Variants in MYO15A observed in about 807,000 individuals in gnomAD.
MYO15A encodes unconventional myosin-XV.
MYO15A carries 308 observed loss-of-function variants against 394.6 expected under a neutral mutation model. The ratio of observed to expected loss-of-function variants is 0.78; its 90% CI spans 0.71 to 0.86. MYO15A has a LOEUF of 0.86. MYO15A is among the 40% of genes least tolerant of loss of function. MYO15A has a pLI of 0.00. For synonymous variants in MYO15A, 1,957 were observed against 2,003.8 expected, an observed-to-expected ratio of 0.98 and a Z score of 0.62; for missense variants, 4,606 against 4,799.1, an observed-to-expected ratio of 0.96 and a Z score of 1.19.
rs1473607398 is a variant in MYO15A, at chr17:18,148,840, T to A, written c.6844T>A (p.Tyr2282Asn). 1 of 1,607,388 alleles carries A rather than the reference T, an allele frequency of 6.2e-7. No individual in the cohort carries two copies. The highest frequency in any genetic ancestry group is 8.5e-7 in the Non-Finnish European group (1 of 1,176,938). Residue 2282 changes from tyrosine to asparagine, a missense_variant, in exon 33 of 66, where the codon TAC (tyrosine) becomes AAC (asparagine). By Grantham distance (143) the Tyr-to-Asn change is moderately radical. Transcript: ENST00000647165. This position sits in a 1 kb window ranked among gnomAD's most constrained non-coding sequence, Gnocchi z 4.8. ...GTGGGCAGAGCTGGCTGGCCACGACTACGTGTTAGACCTGGTGTCGGACCT... is the reference window on the plus strand; with the variant it reads ...GTGGGCAGAGCTGGCTGGCCACGACAACGTGTTAGACCTGGTGTCGGACCT... ...VQWAELAGHD[Y>N]VLDLVSDLEL...
At chr17:18,109,012 C>T (rs1321605972) in intron 1 of MYO15A, 188 bp downstream of exon 1, 2 of 152,434 alleles carry the variant, frequency 1.3e-5, no homozygotes, top group Admixed American at 1.3e-4. Flanking sequence ...CCCCTCCTGG[C>T]GATGGTGGGA....
chr17:18,158,671 G>T, intron 52 of MYO15A, 33 bp downstream of exon 52: 1 of 1,606,240 alleles, frequency 6.2e-7, no homozygotes, highest in Non-Finnish European at 8.5e-7. Flanking sequence ...TTCCCACAGT[G>T]GGAGGGTGCT....
In MYO15A at chr17:18,154,714, G is replaced by C; in HGVS notation, c.8183G>C (p.Arg2728Pro). 6.2e-7 allele frequency: 1 copy of C among 1,613,724 alleles called. No individual in the cohort carries two copies. Among genetic ancestry groups the C allele is most frequent in the South Asian group, 1.1e-5 (1 of 91,088 alleles). ...LHDTLSEACL[R>P]ISEDERLRMK... Reference sequence around the variant, plus strand: ...GACACGCTCTCCGAGGCCTGCCTTCGCATCTCTGAGGATGAGAGGCTCAGG... The same window carrying C: ...GACACGCTCTCCGAGGCCTGCCTTCCCATCTCTGAGGATGAGAGGCTCAGG... The change falls in exon 45 of 66, where the codon CGC becomes CCC. Residue 2728 changes from arginine (R) to proline (P), a missense_variant. Transcript: ENST00000647165.
chr17:18,117,282 C>T lies in MYO15A; in HGVS notation c.-219-1300C>T, dbSNP rs975740949. On this transcript the variant is annotated intron_variant, in intron 1 of 65. Transcript: ENST00000647165. This position sits in a 1 kb window ranked among gnomAD's most constrained non-coding sequence, Gnocchi z 4.1. ...AGAGAAAGTGAGCAGGGGGAAGAGGCAGACAGAGAGGGGGAGACCTCACTT... is the reference window on the plus strand; with the variant it reads ...AGAGAAAGTGAGCAGGGGGAAGAGGTAGACAGAGAGGGGGAGACCTCACTT... Among the ~76,000 whole-genome samples the T allele has an allele frequency of 1.5e-4, 23 of 152,130 alleles. 1 individual carries two copies. Among genetic ancestry groups the T allele is most frequent in the Non-Finnish European group, 2.1e-4 (14 of 68,032 alleles).
At position 18,120,010 on chromosome 17, in the gene MYO15A, G is replaced by A. The variant is rs780161591; in HGVS notation, c.1210G>A (p.Glu404Lys). Reference sequence around the variant, plus strand: ...CGAGGTGCCCTATTTTTACCCGGAGGAGTCGGCTTCGGCCTTTGTGTACCC... The same window carrying A: ...CGAGGTGCCCTATTTTTACCCGGAGAAGTCGGCTTCGGCCTTTGTGTACCC... ...PPEVPYFYPE[E>K]SASAFVYPWV... is the part of the protein sequence containing the mutation. Residue 404 changes from glutamate to lysine, a missense_variant, in exon 2 of 66, where the codon GAG becomes AAG. Coordinates refer to ENST00000647165, the MANE Select transcript of MYO15A (RefSeq NM_016239.4). 1.1e-5 allele frequency: 17 copies of A among 1,613,566 alleles called. No homozygotes were observed. Among genetic ancestry groups the A allele is most frequent in the Admixed American group, 1.0e-4 (6 of 60,008 alleles).
Position 18,119,521 on chromosome 17 carries a change from G to C in MYO15A, c.721G>C (p.Asp241His), listed in dbSNP as rs547705644. 1.9e-6 allele frequency: 3 copies of C among 1,610,664 alleles called. No individual in the cohort carries two copies. The highest frequency in any genetic ancestry group is 2.5e-6 in the Non-Finnish European group (3 of 1,179,962). The change falls in exon 2 of 66, where the codon GAC (aspartate) becomes CAC (histidine). Residue 241 changes from aspartate to histidine, a missense_variant. This residue lies in a region of MYO15A where 1,830 missense variants were observed against 1,689.7 expected (regional missense o/e 1.08). Transcript: ENST00000647165. ...GGGCGAGTATTATGACTATCACCGC[G>C]ACGGCGACGACTACTACGACCGGCA... ...DLGEYYDYHRDGDDYYDRQSL... is the reference protein window; with the variant it reads ...DLGEYYDYHRHGDDYYDRQSL...
Position 18,132,717 on chromosome 17 carries a change from C to A in MYO15A, c.4320+151C>A. ...AGTTTGGATTTAAGACATCTCATGG[C>A]AGTGAGGGGGACCAGGAGTCTTCTG... On this transcript the variant is annotated intron_variant, in intron 11 of 65. Transcript: ENST00000647165. The surrounding 1 kb of genome is among the most constrained non-coding windows in gnomAD (Gnocchi z 4.6). The A allele has an allele frequency of 1.4e-6, 1 of 696,218 alleles. No homozygotes were observed. The highest frequency in any genetic ancestry group is 2.5e-6 in the Non-Finnish European group (1 of 393,748). 43.1% of individuals were successfully genotyped at this position (696,218 alleles called of 1,614,324 possible). A position where few individuals can be genotyped will look rare whatever the true frequency, so the allele number is the denominator to read the frequency against.
At chr17:18,155,956 A>G (rs2046667339) in intron 47 of MYO15A, 1 of 570,562 alleles carries the variant, frequency 1.8e-6, no homozygotes, top group Non-Finnish European at 3.1e-6. Flanking sequence ...GCTTGGACCA[A>G]GGGACAAAGG....
At chr17:18,142,528 A>G (rs1364062263) in intron 24 of MYO15A, among the ~76,000 whole-genome samples, 1 of 152,230 alleles carries the variant, frequency 6.6e-6, no homozygotes, top group East Asian at 1.9e-4. Context: ...CTGTTGGGAA[A>G]TAAATTATTC....
At chr17:18,170,171 G>A (rs1347980096) in intron 62 of MYO15A, among the ~76,000 whole-genome samples, 1 of 151,904 alleles carries the variant, frequency 6.6e-6, no homozygotes, top group Non-Finnish European at 1.5e-5. Flanking sequence ...GAGAGCACAA[G>A]AGAGAAAATG....
rs1272432083 is a variant in MYO15A, at chr17:18,132,596, T to C, written c.4320+30T>C. On this transcript the variant is annotated intron_variant, in intron 11 of 65. Transcript: ENST00000647165. This position sits in a 1 kb window ranked among gnomAD's most constrained non-coding sequence, Gnocchi z 4.6. Reference sequence around the variant, plus strand: ...GTGCCAGCAGGCATCTGAAGGCCCCTGGCCCTGGTCCTCCCACCCCGACGC... The same window carrying C: ...GTGCCAGCAGGCATCTGAAGGCCCCCGGCCCTGGTCCTCCCACCCCGACGC... The C allele has an allele frequency of 6.3e-7, 1 of 1,583,988 alleles. No individual in the cohort carries two copies.
chr17:18,159,725 G>A (rs1489967858), intron 55 of MYO15A, 46 bp downstream of exon 55: 1 of 1,600,476 alleles, frequency 6.2e-7, no homozygotes, highest in Admixed American at 1.7e-5. Flanking sequence ...CTGCTCTGTG[G>A]TTCAGTTTCC....
chr17:18,178,939 C>T lies in MYO15A; in HGVS notation c.*69C>T. The T allele has an allele frequency of 2.0e-6, 3 of 1,494,308 alleles. No individual in the cohort carries two copies. Among genetic ancestry groups the T allele is most frequent in the African/African-American group, 1.4e-5 (1 of 72,590 alleles). The allele number at this position is 1,494,308 out of a possible 1,614,324, so 92.6% of individuals were successfully genotyped here. On this transcript the variant is annotated 3_prime_UTR_variant, in exon 66 of 66. Transcript: ENST00000647165. ...GTGTGGCCTCAGAGAAATCACTGAACCTCTCAGGATCAATGACCCCTGTAA... is the reference window on the plus strand; with the variant it reads ...GTGTGGCCTCAGAGAAATCACTGAATCTCTCAGGATCAATGACCCCTGTAA...
chr17:18,145,954 C>A lies in MYO15A; in HGVS notation c.6356C>A (p.Ala2119Glu). Residue 2119 changes from alanine (A) to glutamate (E), a missense_variant, in exon 30 of 66, where the codon GCG (alanine) becomes GAG (glutamate). By Grantham distance (107) the Ala-to-Glu change is moderately radical. Transcript: ENST00000647165. ...FGNYIVQKGLAVPELRDEILA... is the reference protein window; with the variant it reads ...FGNYIVQKGLEVPELRDEILA... ...AACTACATCGTGCAGAAGGGGCTGG[C>A]GGTGCCTGAGCTGCGGGATGAGATC... 2 of 1,613,740 alleles carry A rather than the reference C, an allele frequency of 1.2e-6. No individual in the cohort carries two copies. Among genetic ancestry groups the A allele is most frequent in the Non-Finnish European group, 1.7e-6 (2 of 1,180,008 alleles).
At chr17:18,126,967 C>T in intron 6 of MYO15A, 102 bp downstream of exon 6, 1 of 1,595,132 alleles carries the variant, frequency 6.3e-7, no homozygotes, top group Non-Finnish European at 8.6e-7. Flanking sequence ...TGCCTGGTAC[C>T]TCTGGGTTGG....
At chr17:18,127,274 G>T (rs2046065404) in intron 7 of MYO15A, 109 bp downstream of exon 7, 3 of 1,346,638 alleles carry the variant, frequency 2.2e-6, no homozygotes, top group Admixed American at 3.9e-5. Flanking sequence ...AGATGAGGAG[G>T]CTGAGTTCCA....
At position 18,138,864 on chromosome 17, in the gene MYO15A, G is replaced by C; in HGVS notation, c.5061G>C (p.Pro1687=). 1 of 1,613,612 alleles carries C rather than the reference G, an allele frequency of 6.2e-7. No individual in the cohort carries two copies. The highest frequency in any genetic ancestry group is 8.5e-7 in the Non-Finnish European group (1 of 1,179,838). ...GCCACTACCATCATGGCGCCAACCC[G>C]CTCTATTCCAAACCCAAGATGCCGC... ...QKCHYHHGAN[P]LYSKPKMPLP... The change falls in exon 18 of 66, where the codon CCG becomes CCC. Residue 1687 remains proline, a synonymous_variant. Coordinates refer to ENST00000647165, the MANE Select transcript of MYO15A (RefSeq NM_016239.4).
At chr17:18,124,889 C>G in intron 3 of MYO15A, 1 of 587,814 alleles carries the variant, frequency 1.7e-6, no homozygotes, top group South Asian at 2.0e-5. Flanking sequence ...ACATGAGGGC[C>G]GTGTTGGTCA....
Position 18,148,330 on chromosome 17 carries a change from C to T in MYO15A, c.6691+120C>T. On this transcript the variant is annotated intron_variant, in intron 31 of 65. Transcript: ENST00000647165. The surrounding 1 kb of genome is among the most constrained non-coding windows in gnomAD (Gnocchi z 4.8). ...TGGGGAGGGGCCTTCTCAGATGTGG[C>T]TCTGCGTGAAAGTCTGTGTGTGGGG... is the stretch of plus-strand genomic sequence containing the variant. 1 of 1,487,880 alleles carries T rather than the reference C, an allele frequency of 6.7e-7. No homozygotes were observed. The highest frequency in any genetic ancestry group is 1.2e-5 in the South Asian group (1 of 83,160). 92.2% of individuals were successfully genotyped at this position (1,487,880 alleles called of 1,614,324 possible).
Sources: allele counts gnomAD v4.1 joint callset (sites outside exome capture counted in the v4.1 genomes callset), GRCh38; gene constraint gnomAD v4.1.1; regional missense constraint gnomAD v4.1.1; non-coding constraint Gnocchi (gnomAD v3.1); transcripts MANE v1.5; gene names NCBI Gene and HGNC (gene_info 2026-07-23, HGNC 2026-07-21).